SVIL: variants seen among roughly 807,000 people sequenced by gnomAD.
SVIL encodes the protein archvillin.
In SVIL, 101 loss-of-function variants were observed where a neutral mutation model predicts 240.4. The observed-to-expected ratio is 0.42, with a 90% CI of 0.36 to 0.50. The LOEUF (loss-of-function observed/expected upper bound fraction) is 0.50. Among genes scored for constraint, SVIL ranks in the 20% least tolerant of loss-of-function variants. The pLI is 0.01. For synonymous variants in SVIL, 999 were observed against 1,100.0 expected (o/e 0.91, Z 1.82); for missense variants, 2,512 against 2,818.7 (o/e 0.89, Z 2.46).
chr10:29,658,446 A>G (rs1959067849), intron 2 of SVIL, among the ~76,000 whole-genome samples: 1 of 152,222 alleles, frequency 6.6e-6, no homozygotes, highest in Non-Finnish European at 1.5e-5. Context: ...TCTAAATTCA[A>G]ATTTAAAATC....
chr10:29,706,266 A>C (rs1962884987), intron 1 of SVIL, among the ~76,000 whole-genome samples: 1 of 152,346 alleles, frequency 6.6e-6, no homozygotes, highest in African/African-American at 2.4e-5. Flanking sequence ...AGTAATTTAC[A>C]TTCCCACCAA....
intron 30 of SVIL, 123 bp downstream of exon 30, chr10:29,473,715 G>A: frequency 7.5e-7 from 1 of 1,328,416 alleles, no homozygotes; most frequent in South Asian, 1.3e-5. Context: ...GGACTGAAGT[G>A]CTTTGGGTGA....
chr10:29,714,058 T>C (rs893620437), intron 1 of SVIL, among the ~76,000 whole-genome samples: 3 of 152,232 alleles, frequency 2.0e-5, no homozygotes, highest in African/African-American at 7.2e-5. Flanking sequence ...TGTCATCATC[T>C]AATTCCTACC....
chr10:29,510,086 G>A (rs966713528), intron 17 of SVIL, among the ~76,000 whole-genome samples: 2 of 151,888 alleles, frequency 1.3e-5, no homozygotes, highest in Non-Finnish European at 2.9e-5. Flanking sequence ...TAAACATGGG[G>A]TTTTACCACG....
chr10:29,691,104 T>G (rs1359089357), intron 1 of SVIL, among the ~76,000 whole-genome samples: 1 of 152,118 alleles, frequency 6.6e-6, no homozygotes, highest in African/African-American at 2.4e-5. Context: ...AAAACTGCAA[T>G]GTTCTATAGT....
At chr10:29,581,048 A>G (rs527522596) in intron 1 of SVIL, among the ~76,000 whole-genome samples, 1 of 152,350 alleles carries the variant, frequency 6.6e-6, no homozygotes, top group African/African-American at 2.4e-5. Context: ...TTCCAAAATC[A>G]AGAAGTGCTA....
chr10:29,507,224 C>T (rs559031133), intron 17 of SVIL, among the ~76,000 whole-genome samples: 2 of 152,270 alleles, frequency 1.3e-5, no homozygotes, highest in South Asian at 4.1e-4. Context: ...ACACCCCAAA[C>T]TGCCTCCACC....
chr10:29,572,777 A>G (rs1440446807), intron 1 of SVIL, among the ~76,000 whole-genome samples: 2 of 149,658 alleles, frequency 1.3e-5, no homozygotes, highest in Non-Finnish European at 3.0e-5. Context: ...AAAAAAAAAA[A>G]AAAAGAAAAA....
intron 1 of SVIL, among the ~76,000 whole-genome samples, chr10:29,618,722 ATT>A (rs562652299): frequency 1.9e-4 from 28 of 145,990 alleles, no homozygotes; most frequent in South Asian, 2.2e-4. Flanking sequence ...CTTGCAGCAG[ATT>A]TTTTTTTTTT....
chr10:29,586,098 T>C (rs1432549167), intron 1 of SVIL, among the ~76,000 whole-genome samples: 1 of 152,196 alleles, frequency 6.6e-6, no homozygotes, highest in African/African-American at 2.4e-5. Flanking sequence ...AAAAGATGGA[T>C]TCAGCCTTAC....
At chr10:29,496,822 A>G (rs1948483055) in intron 18 of SVIL, among the ~76,000 whole-genome samples, 1 of 152,350 alleles carries the variant, frequency 6.6e-6, no homozygotes, top group South Asian at 2.1e-4. Context: ...CAAATAAATT[A>G]GGGTTTTTAA....
intron 16 of SVIL, among the ~76,000 whole-genome samples, chr10:29,519,120 AAT>A (rs34953732): frequency 0.44 from 66,285 of 151,984 alleles, 15,059 homozygotes; most frequent in African/African-American, 0.54. Context: ...TGTAATTTGA[AAT>A]ATAAGCCCTG....
At chr10:29,650,358 T>C (rs1259763923) in intron 3 of SVIL, among the ~76,000 whole-genome samples, 4 of 152,172 alleles carry the variant, frequency 2.6e-5, no homozygotes, top group Non-Finnish European at 5.9e-5. Flanking sequence ...CAATGCACTT[T>C]TGAGGTTTCT....
At chr10:29,613,976 T>C (rs1002279000) in intron 1 of SVIL, among the ~76,000 whole-genome samples, 6 of 152,190 alleles carry the variant, frequency 3.9e-5, no homozygotes, top group Non-Finnish European at 8.8e-5. Context: ...CAAGGTTTCC[T>C]CGGTGAATCA....
chr10:29,537,666 A>G (rs943643583), intron 6 of SVIL, among the ~76,000 whole-genome samples: 1 of 152,270 alleles, frequency 6.6e-6, no homozygotes, highest in Non-Finnish European at 1.5e-5. Context: ...GCTCAAAAAG[A>G]AATTTCTAAA....
intron 3 of SVIL, among the ~76,000 whole-genome samples, chr10:29,558,921 C>T: frequency 7.3e-6 from 1 of 137,776 alleles, no homozygotes; most frequent in East Asian, 2.0e-4. Context: ...GAGTGTGATT[C>T]TGCCTCGAAA....
intron 3 of SVIL, among the ~76,000 whole-genome samples, chr10:29,562,597 T>C (rs1466998300): frequency 2.0e-5 from 3 of 151,808 alleles, no homozygotes; most frequent in South Asian, 2.1e-4. Context: ...CTGTCTCTAC[T>C]AAAAATACAA....
intron 1 of SVIL, among the ~76,000 whole-genome samples, chr10:29,591,200 A>G (rs1178509288): frequency 6.6e-6 from 1 of 152,210 alleles, no homozygotes; most frequent in Non-Finnish European, 1.5e-5. Context: ...GTTTACATGC[A>G]TGAAATCTCA....
At position 29,663,113 on chromosome 10, in the gene SVIL, T is replaced by C. The variant is rs537696520; in HGVS notation, c.-300-5045A>G. On this transcript the variant is annotated intron_variant, in intron 2 of 35. Transcript: ENST00000375400. ...GGGCAACAGAATAAGACTCTGTCTC[T>C]TAAATAATAGTAATAATAAAAGAAT... Among the ~76,000 whole-genome samples, 16 of 152,264 alleles carry C rather than the reference T, an allele frequency of 1.1e-4. No homozygotes were observed. In the East Asian group the frequency reaches 2.9e-3, roughly 28 times the overall value.
Sources: allele counts gnomAD v4.1 joint callset (sites outside exome capture counted in the v4.1 genomes callset), GRCh38; gene constraint gnomAD v4.1.1; transcripts MANE v1.5; gene names NCBI Gene and HGNC (gene_info 2026-07-23, HGNC 2026-07-21).